ZBTB14: variants seen among roughly 807,000 people sequenced by gnomAD.
The protein encoded by ZBTB14 is zinc finger and BTB domain-containing protein 14.
Under a neutral mutation model 29.5 loss-of-function variants are expected in ZBTB14, and 8 were observed. The observed-to-expected ratio is 0.27, with a 90% CI of 0.16 to 0.49. The LOEUF is 0.49. Ranked by LOEUF, ZBTB14 falls within the 20% of genes least tolerant of loss-of-function variation. The probability of loss-of-function intolerance (pLI) is 0.99; values close to 1 mark genes in which losing one functional copy is unlikely to be tolerated. For synonymous variants in ZBTB14, 226 were observed against 207.2 expected, an observed-to-expected ratio of 1.09 and a Z score of -0.78; for missense variants, 333 against 563.8, an observed-to-expected ratio of 0.59 and a Z score of 4.15.
chr18:5,296,731 A>G (rs574500837), upstream of ZBTB14, among the ~76,000 whole-genome samples: 181 of 151,974 alleles, frequency 1.2e-3, no homozygotes, highest in African/African-American at 4.0e-3. Flanking sequence ...TGCCCAGCAG[A>G]AAGGGATCAC....
Position 5,291,627 on chromosome 18 carries a change from G to A in ZBTB14, c.581C>T (p.Thr194Met), listed in dbSNP as rs2071816233. The change falls in exon 4 of 4, where the codon ACG (threonine) becomes ATG (methionine). Residue 194 changes from threonine (T) to methionine (M), a missense_variant. Around this residue, in one of 3 missense-constraint regions of ZBTB14, gnomAD observed 126 missense variants for 132.2 expected, o/e 0.95. Transcript: ENST00000651870. The surrounding 1 kb of genome is among the most constrained non-coding windows in gnomAD (Gnocchi z 5.8). Reference protein sequence around the residue: ...SQEDGKSPTTTLRVQEAILKE... With the variant: ...SQEDGKSPTTMLRVQEAILKE... The stretch of plus-strand genomic sequence containing the variant: ...CAGGATCGCTTCCTGAACCCTGAGC[G>A]TTGTGGTGGGCGACTTGCCGTCCTC... The A allele has an allele frequency of 2.5e-6, 4 of 1,613,856 alleles. No homozygotes were observed. Among genetic ancestry groups the A allele is most frequent in the Non-Finnish European group, 3.4e-6 (4 of 1,180,030 alleles).
chr18:5,291,089 C>G lies in ZBTB14; in HGVS notation c.1119G>C (p.Lys373Asn), dbSNP rs770472811. Residue 373 changes from lysine (K) to asparagine (N), a missense_variant, in exon 4 of 4, where the codon AAG (lysine) becomes AAC (asparagine). By Grantham distance (94) the Lys-to-Asn change is moderately conservative (BLOSUM62 0). Coordinates refer to ENST00000651870, the MANE Select transcript of ZBTB14 (RefSeq NM_001243702.2). This position sits in a 1 kb window ranked among gnomAD's most constrained non-coding sequence, Gnocchi z 5.8. Reference sequence around the variant, plus strand: ...TTCTTTCATGATCCTTGAGGTGAGACTTGTGTTTGAAGGCTTTGTCACACA... The same window carrying G: ...TTCTTTCATGATCCTTGAGGTGAGAGTTGTGTTTGAAGGCTTTGTCACACA... The part of the protein sequence containing the change: ...CHMCDKAFKH[K>N]SHLKDHERRH... 6.2e-7 allele frequency: 1 copy of G among 1,614,262 alleles called. No homozygotes were observed. Among genetic ancestry groups the G allele is most frequent in the South Asian group, 1.1e-5 (1 of 91,086 alleles).
intron 3 of ZBTB14, among the ~76,000 whole-genome samples, chr18:5,292,455 A>C (rs576506867): frequency 6.6e-6 from 1 of 152,182 alleles, no homozygotes; most frequent in East Asian, 1.9e-4. Flanking sequence ...TGTGCTTTAC[A>C]TGTTTTAATT....
In ZBTB14 at chr18:5,289,664, A is replaced by T. The variant is rs1180004333; in HGVS notation, c.*1194T>A. On this transcript the variant is annotated 3_prime_UTR_variant, in exon 4 of 4. Transcript: ENST00000651870. The stretch of plus-strand genomic sequence containing the variant: ...AACCAGTGATGAAATATATTTCGAA[A>T]ACATAAACATTTGGTCTGACAATCT... The T allele has an allele frequency of 6.6e-6, 1 of 152,422 alleles. No homozygotes were observed. Among genetic ancestry groups the T allele is most frequent in the Non-Finnish European group, 1.5e-5 (1 of 68,032 alleles). 9.4% of individuals were successfully genotyped at this position (152,422 alleles called of 1,614,324 possible).
intron 3 of ZBTB14, 54 bp from the exon 4 acceptor site, chr18:5,292,258 A>T: frequency 7.5e-7 from 1 of 1,326,054 alleles, no homozygotes; most frequent in Non-Finnish European, 9.9e-7. Context: ...CCATATAGAG[A>T]ACACAGTCAC....
chr18:5,296,308 G>A (rs1027654908), upstream of ZBTB14: 1 of 150,468 alleles, frequency 6.6e-6, no homozygotes, highest in Non-Finnish European at 1.5e-5. Context: ...CGGGGCTTCG[G>A]GAGCCAGGGA....
At chr18:5,295,180 G>A (rs1410705444) in intron 1 of ZBTB14, among the ~76,000 whole-genome samples, 1 of 144,122 alleles carries the variant, frequency 6.9e-6, no homozygotes, top group Non-Finnish European at 1.5e-5. Flanking sequence ...GGCCGGCTCC[G>A]CAGCCCCGCG....
chr18:5,295,491 C>G (rs2071935814), intron 1 of ZBTB14, among the ~76,000 whole-genome samples, 161 bp downstream of exon 1: 1 of 144,610 alleles, frequency 6.9e-6, no homozygotes, highest in South Asian at 2.1e-4. Context: ...TGCGGCGGTG[C>G]GAGCGGGGGC....
chr18:5,291,129 G>C lies in ZBTB14; in HGVS notation c.1079C>G (p.Pro360Arg). Residue 360 changes from proline to arginine, a missense_variant, in exon 4 of 4, where the codon CCG (proline) becomes CGG (arginine). By Grantham distance (103) the Pro-to-Arg change is moderately radical. This residue lies in a region of ZBTB14 where 140 missense variants were observed against 274.6 expected (regional missense o/e 0.51). Transcript: ENST00000651870. This position sits in a 1 kb window ranked among gnomAD's most constrained non-coding sequence, Gnocchi z 5.8. Reference protein sequence around the residue: ...KHERVHSNERPFACHMCDKAF... With the variant: ...KHERVHSNERRFACHMCDKAF... ...TTTGTCACACATGTGGCACGCAAAC[G>C]GTCTTTCATTACTGTGAACTCTCTC... The C allele has an allele frequency of 6.2e-7, 1 of 1,614,250 alleles. No homozygotes were observed. Among genetic ancestry groups the C allele is most frequent in the Non-Finnish European group, 8.5e-7 (1 of 1,180,052 alleles).
chr18:5,293,810 G>A (rs2071875119), intron 2 of ZBTB14, among the ~76,000 whole-genome samples, 162 bp downstream of exon 2: 1 of 152,210 alleles, frequency 6.6e-6, no homozygotes, highest in African/African-American at 2.4e-5. Context: ...AACATGGGAG[G>A]AGAGGGAACA....
chr18:5,296,355 G>C (rs1458964006), upstream of ZBTB14, among the ~76,000 whole-genome samples: 1 of 150,080 alleles, frequency 6.7e-6, no homozygotes, highest in Non-Finnish European at 1.5e-5. Flanking sequence ...CACCCGCCCC[G>C]CCTCAAGCTC....
upstream of ZBTB14, among the ~76,000 whole-genome samples, chr18:5,296,634 G>T (rs931719019): frequency 2.6e-5 from 4 of 152,080 alleles, no homozygotes; most frequent in South Asian, 4.1e-4. Flanking sequence ...TTGAGTTTGT[G>T]GGGGAGTGGA....
Position 5,289,579 on chromosome 18 carries a change from T to G in ZBTB14, c.*1279A>C, listed in dbSNP as rs927716975. ...AACATTTAGTATACCAAAACTGGAATAGAGTTTATAATTCTCATTTACGGC... is the reference window on the plus strand; with the variant it reads ...AACATTTAGTATACCAAAACTGGAAGAGAGTTTATAATTCTCATTTACGGC... On this transcript the variant is annotated 3_prime_UTR_variant, in exon 4 of 4. Transcript: ENST00000651870. 2 of 152,208 alleles carry G rather than the reference T, an allele frequency of 1.3e-5. No individual in the cohort carries two copies. The highest frequency in any genetic ancestry group is 2.9e-5 in the Non-Finnish European group (2 of 68,006). 9.4% of individuals were successfully genotyped at this position (152,208 alleles called of 1,614,324 possible).
chr18:5,291,296 T>C lies in ZBTB14; in HGVS notation c.912A>G (p.Pro304=). Residue 304 remains proline (P), a synonymous_variant, in exon 4 of 4, where the codon CCA becomes CCG. Transcript: ENST00000651870. This position sits in a 1 kb window ranked among gnomAD's most constrained non-coding sequence, Gnocchi z 5.8. The stretch of plus-strand genomic sequence containing the variant: ...CTTTTGTGCACATTTCACAAACAAA[T>C]GGCCTGTCCGCCGTGTGGAGTTTCT... ...KHEKLHTADR[P]FVCEMCTKGF... 4 of 1,614,256 alleles carry C rather than the reference T, an allele frequency of 2.5e-6. No homozygotes were observed. Among genetic ancestry groups the C allele is most frequent in the Non-Finnish European group, 3.4e-6 (4 of 1,180,044 alleles).
At position 5,290,241 on chromosome 18, in the gene ZBTB14, T is replaced by C. The variant is rs1345098343; in HGVS notation, c.*617A>G. The C allele has an allele frequency of 1.3e-5, 2 of 152,378 alleles. No homozygotes were observed. Among genetic ancestry groups the C allele is most frequent in the Non-Finnish European group, 2.9e-5 (2 of 68,212 alleles). 9.4% of individuals were successfully genotyped at this position (152,378 alleles called of 1,614,324 possible). ...TGGGTAGGTACAGGGCAATCAAGATTGAGGAAGAACACTTCAGCAAAGCAA... is the reference window on the plus strand; with the variant it reads ...TGGGTAGGTACAGGGCAATCAAGATCGAGGAAGAACACTTCAGCAAAGCAA... On this transcript the variant is annotated 3_prime_UTR_variant, in exon 4 of 4. Transcript: ENST00000651870.
chr18:5,295,382 T>C (rs1181160550), intron 1 of ZBTB14, among the ~76,000 whole-genome samples: 1 of 140,064 alleles, frequency 7.1e-6, no homozygotes, highest in African/African-American at 2.6e-5. Context: ...CGCCGGCGGC[T>C]GTAGGCGGCG....
intron 3 of ZBTB14, 66 bp from the exon 4 acceptor site, chr18:5,292,270 T>G (rs912084743): frequency 6.8e-5 from 87 of 1,278,620 alleles, no homozygotes; most frequent in Non-Finnish European, 8.4e-5. Flanking sequence ...CACAGTCACA[T>G]TTTCATTTCC....
chr18:5,293,423 CCCT>C (rs1295217578), intron 2 of ZBTB14, 96 bp from the exon 3 acceptor site: 2 of 692,782 alleles, frequency 2.9e-6, no homozygotes, highest in Admixed American at 6.0e-5. Context: ...CTTTCTTGTT[CCCT>C]CTTTTGTGCA....
At chr18:5,296,202 G>GC (rs1345885298), upstream of ZBTB14, 2 of 151,162 alleles carry the variant, frequency 1.3e-5, no homozygotes, top group African/African-American at 2.4e-5. Flanking sequence ...CTACGGGGCC[G>GC]CCCCCGGAGG....
Sources: gnomAD v4.1 joint callset for allele counts (sites outside exome capture counted in the v4.1 genomes callset) on GRCh38, gnomAD v4.1.1 for gene constraint, gnomAD v4.1.1 regional missense constraint, Gnocchi (gnomAD v3.1) non-coding constraint, MANE v1.5 for transcripts, NCBI Gene and HGNC (gene_info 2026-07-23, HGNC 2026-07-21) for gene names.